Variants in SAMMSON observed in about 807,000 individuals in gnomAD.
The protein encoded by SAMMSON is survival associated mitochondrial melanoma specific oncogenic non-coding RNA, also known as long intergenic non-protein coding RNA 1212.
At chr3:70,019,738 G>A (rs979712346) in intron 3 of SAMMSON, among the ~76,000 whole-genome samples, 2 of 152,122 alleles carry the variant, frequency 1.3e-5, no homozygotes, top group African/African-American at 4.8e-5. Context: ...TCCTTTCCAT[G>A]TTTGTGCTTC....
At chr3:70,003,836 A>C (rs185872357) in intron 1 of SAMMSON, among the ~76,000 whole-genome samples, 3 of 152,020 alleles carry the variant, frequency 2.0e-5, no homozygotes, top group African/African-American at 7.2e-5. Context: ...AAATTCTTCT[A>C]GTCTTTTAGA....
At chr3:70,002,300 G>T (rs1183324680) in intron 1 of SAMMSON, among the ~76,000 whole-genome samples, 2 of 151,984 alleles carry the variant, frequency 1.3e-5, no homozygotes, top group East Asian at 1.9e-4. Flanking sequence ...AGCGTTGAAG[G>T]CCCCCATATA....
intron 3 of SAMMSON, among the ~76,000 whole-genome samples, chr3:70,043,275 C>G (rs1268624633): frequency 6.6e-6 from 1 of 152,088 alleles, no homozygotes; most frequent in Non-Finnish European, 1.5e-5. Context: ...CACTGCATCT[C>G]ACGCATCCGT....
chr3:70,198,752 T>C (rs763088137), intron 4 of SAMMSON, among the ~76,000 whole-genome samples: 2 of 152,172 alleles, frequency 1.3e-5, no homozygotes, highest in Non-Finnish European at 2.9e-5. Flanking sequence ...TATTCCACAA[T>C]ACCTCTACTG....
chr3:70,105,623 A>T (rs555814461), intron 4 of SAMMSON, among the ~76,000 whole-genome samples: 1 of 152,282 alleles, frequency 6.6e-6, no homozygotes, highest in Non-Finnish European at 1.5e-5. Flanking sequence ...TTTTTAGCAA[A>T]TTGGACCCCA....
At chr3:70,357,928 A>G (rs1702841647) in intron 8 of SAMMSON, among the ~76,000 whole-genome samples, 1 of 152,104 alleles carries the variant, frequency 6.6e-6, no homozygotes, top group African/African-American at 2.4e-5. Flanking sequence ...TGCTTTAAAC[A>G]AAATGGACAA....
intron 4 of SAMMSON, among the ~76,000 whole-genome samples, chr3:70,100,097 C>A (rs900234199): frequency 2.0e-5 from 3 of 152,110 alleles, no homozygotes; most frequent in African/African-American, 4.8e-5. Context: ...TATCAACACT[C>A]TGATTAATTT....
rs370548005 is a variant in SAMMSON at position 70,026,385 on chromosome 3, C to T, written n.417+12713C>T. On this transcript the variant is annotated intron_variant and non_coding_transcript_variant, in intron 3 of 9. Transcript: ENST00000642114. ...CATTCCTTCCTTCTTTCTACTTTTT[C>T]CTCTGTTTCAGTCTTTCTCACTTGT... is the stretch of plus-strand genomic sequence containing the variant. 1.3e-4 allele frequency among the ~76,000 whole-genome samples: 20 copies of T among 152,064 alleles called. No homozygotes were observed. The East Asian group carries it at 1.4e-3, about 10-fold the overall frequency.
chr3:70,016,082 A>G (rs2066983824), intron 3 of SAMMSON, among the ~76,000 whole-genome samples: 1 of 152,150 alleles, frequency 6.6e-6, no homozygotes, highest in South Asian at 2.1e-4. Context: ...TATACCCAGT[A>G]ATGGGATTGC....
intron 2 of SAMMSON, among the ~76,000 whole-genome samples, chr3:70,416,391 T>C (rs953478811): frequency 6.6e-6 from 1 of 152,212 alleles, no homozygotes; most frequent in African/African-American, 2.4e-5. Flanking sequence ...CTGTCATTAA[T>C]AAGCGCTGGA....
In SAMMSON at chr3:70,101,077, A is replaced by G. The variant is rs1576121973; in HGVS notation, n.507+29512A>G. 2.0e-5 allele frequency among the ~76,000 whole-genome samples: 3 copies of G among 152,280 alleles called. No individual in the cohort carries two copies. The South Asian group carries it at 6.2e-4, about 32-fold the overall frequency. The stretch of plus-strand genomic sequence containing the variant: ...GATCTGGTGGATTATTATGGTTTAG[A>G]AGATATTTAGTCTTAGGGAAAATGC... On this transcript the variant is annotated intron_variant and non_coding_transcript_variant, in intron 4 of 9. Coordinates refer to ENST00000642114, the Ensembl canonical transcript of SAMMSON.
intron 6 of SAMMSON, among the ~76,000 whole-genome samples, chr3:70,275,373 G>A (rs1361690869): frequency 6.6e-6 from 1 of 152,100 alleles, no homozygotes; most frequent in Admixed American, 6.6e-5. Flanking sequence ...AAATTAGTTG[G>A]GTGTGGTGGC....
chr3:70,361,660 C>G (rs1299264981), intron 9 of SAMMSON, among the ~76,000 whole-genome samples: 4 of 152,174 alleles, frequency 2.6e-5, no homozygotes, highest in Non-Finnish European at 5.9e-5. Context: ...TATATAAATA[C>G]AAAGTTGTGC....
At chr3:70,178,131 A>G (rs1415926077) in intron 4 of SAMMSON, among the ~76,000 whole-genome samples, 1 of 152,092 alleles carries the variant, frequency 6.6e-6, no homozygotes, top group Non-Finnish European at 1.5e-5. Flanking sequence ...CCCTTCCCCC[A>G]GGAGGGCTGT....
intron 4 of SAMMSON, among the ~76,000 whole-genome samples, chr3:70,247,973 T>C (rs1701723975): frequency 6.6e-6 from 1 of 152,106 alleles, no homozygotes; most frequent in South Asian, 2.1e-4. Flanking sequence ...TAGAATTTAA[T>C]GCTACAATGA....
At chr3:70,424,315 A>G (rs1701337179) in intron 2 of SAMMSON, among the ~76,000 whole-genome samples, 1 of 152,236 alleles carries the variant, frequency 6.6e-6, no homozygotes, top group Non-Finnish European at 1.5e-5. Context: ...TATTGGGGTT[A>G]TAACATGCAG....
At chr3:70,367,997 A>G (rs1688165883) in intron 9 of SAMMSON, among the ~76,000 whole-genome samples, 2 of 149,690 alleles carry the variant, frequency 1.3e-5, no homozygotes, top group Non-Finnish European at 3.0e-5. Flanking sequence ...AGAGTTTTTT[A>G]TATTTTGGAT....
chr3:70,116,231 G>GATAT, intron 4 of SAMMSON, among the ~76,000 whole-genome samples: 1 of 150,688 alleles, frequency 6.6e-6, no homozygotes, highest in Admixed American at 6.6e-5. Flanking sequence ...TTGCAAAGGG[G>GATAT]ATATAGAAAA....
chr3:70,209,403 G>T (rs1310197306), intron 4 of SAMMSON, among the ~76,000 whole-genome samples: 1 of 152,042 alleles, frequency 6.6e-6, no homozygotes, highest in South Asian at 2.1e-4. Flanking sequence ...ACACAGAGTG[G>T]CGTGTATCTT....
Sources: allele counts gnomAD v4.1 joint callset (sites outside exome capture counted in the v4.1 genomes callset), GRCh38; gene constraint gnomAD v4.1.1; transcripts MANE v1.5; gene names NCBI Gene and HGNC (gene_info 2026-07-23, HGNC 2026-07-21).